Variants in HAO2 observed in about 807,000 individuals in gnomAD.
HAO2 encodes 2-Hydroxyacid oxidase 2.
Under a neutral mutation model 37.4 loss-of-function variants are expected in HAO2, and 42 were observed. The observed-to-expected ratio is 1.12, with a 90% confidence interval of 0.88 to 1.45. HAO2 has a LOEUF of 1.45. Among genes scored for constraint, HAO2 ranks in the 40% most tolerant of loss-of-function variants. The pLI is 0.00. For missense variants in HAO2, 476 were observed against 430.2 expected, an observed-to-expected ratio of 1.11 and a Z score of -0.94; for synonymous variants, 180 against 162.8, an observed-to-expected ratio of 1.11 and a Z score of -0.81.
intron 4 of HAO2, chr1:119,385,570 T>C (rs3207643): frequency 1.0e-6 from 1 of 976,950 alleles, no homozygotes; most frequent in Non-Finnish European, 1.2e-6. Flanking sequence ...TAGAGCTCAT[T>C]TGTGGAGCAC....
chr1:119,374,671 T>C (rs943048582), intron 1 of HAO2, among the ~76,000 whole-genome samples: 9 of 152,202 alleles, frequency 5.9e-5, no homozygotes, highest in African/African-American at 2.2e-4. Context: ...CACGCTGAGA[T>C]TTCCCACAGA....
chr1:119,389,539 T>A (rs1454805316), intron 5 of HAO2, among the ~76,000 whole-genome samples: 3 of 152,094 alleles, frequency 2.0e-5, no homozygotes, highest in African/African-American at 7.2e-5. Flanking sequence ...TAATCATTAG[T>A]GATGTTGAGC....
At chr1:119,385,953 A>G in intron 4 of HAO2, 5 of 896,022 alleles carry the variant, frequency 5.6e-6, no homozygotes, top group Non-Finnish European at 6.7e-6. Flanking sequence ...GTATGCCTCA[A>G]CCGTAACATA....
At chr1:119,372,505 C>T (rs3765956) in intron 1 of HAO2, among the ~76,000 whole-genome samples, 32,915 of 152,024 alleles carry the variant, frequency 0.22, 4,907 homozygotes, top group African/African-American at 0.42. Context: ...GAGAAGAAGG[C>T]GTGAGAAAGA....
At chr1:119,388,658 A>G (rs1373426167) in intron 5 of HAO2, among the ~76,000 whole-genome samples, 1 of 152,106 alleles carries the variant, frequency 6.6e-6, no homozygotes, top group East Asian at 1.9e-4. Flanking sequence ...CACTTGCCTC[A>G]CCTTAATCCT....
At chr1:119,388,961 G>A (rs1381286028) in intron 5 of HAO2, among the ~76,000 whole-genome samples, 1 of 149,464 alleles carries the variant, frequency 6.7e-6, no homozygotes, top group Non-Finnish European at 1.5e-5. Flanking sequence ...AAAGTACATG[G>A]TGTCACTCTT....
chr1:119,369,417 T>C (rs1648780781), intron 1 of HAO2, among the ~76,000 whole-genome samples: 2 of 152,192 alleles, frequency 1.3e-5, no homozygotes, highest in Admixed American at 6.5e-5. Flanking sequence ...ATGAAGAGCC[T>C]CTGATTGTGT....
At chr1:119,393,740 C>T (rs776638403) in intron 7 of HAO2, 45 bp from the exon 8 acceptor site, 1 of 1,567,116 alleles carries the variant, frequency 6.4e-7, no homozygotes, top group Non-Finnish European at 8.8e-7. Context: ...AGGTGAGTTG[C>T]TTGTGTTTGA....
At position 119,392,225 on chromosome 1, in the gene HAO2, G is replaced by T. The variant is rs1306473983; in HGVS notation, c.887G>T (p.Cys296Phe). The change falls in exon 6 of 8, where the codon TGC (cysteine) becomes TTC (phenylalanine). Residue 296 changes from cysteine to phenylalanine, a missense_variant. By Grantham distance (205) the Cys-to-Phe change is radical (BLOSUM62 -2). Coordinates refer to ENST00000325945, the MANE Select transcript of HAO2 (RefSeq NM_016527.4). ...AAGGCTCTGGCCCTTGGAGCTAAGT[G>T]CATTTTTCTTGGGAGACCAATCCTA... ...VLKALALGAK[C>F]IFLGRPILWG... 5.0e-6 allele frequency: 8 copies of T among 1,613,462 alleles called. No individual in the cohort carries two copies. The highest frequency in any genetic ancestry group is 4.4e-5 in the South Asian group (4 of 91,002).
intron 4 of HAO2, 83 bp from the exon 5 acceptor site, chr1:119,386,539 C>A: frequency 1.2e-6 from 1 of 844,842 alleles, no homozygotes; most frequent in South Asian, 1.4e-5. Context: ...TAAATGGCAG[C>A]TCTCTAAATG....
rs1415501245 is a variant in HAO2 at position 119,386,828 on chromosome 1, T to C, written c.768T>C (p.Ala256=). 6.3e-7 allele frequency: 1 copy of C among 1,598,438 alleles called. No homozygotes were observed. The highest frequency in any genetic ancestry group is 1.7e-5 in the Admixed American group (1 of 59,980). ...HGGRQLDEVL[A]SIDALTEVVA... ...GGAGGCAGCTTGATGAGGTTCTTGCTTCAGTAAGTAGGATTACTTCAGAGA... is the reference window on the plus strand; with the variant it reads ...GGAGGCAGCTTGATGAGGTTCTTGCCTCAGTAAGTAGGATTACTTCAGAGA... The change falls in exon 5 of 8, where the codon GCT becomes GCC. Residue 256 remains alanine (A), a synonymous_variant. Coordinates refer to ENST00000325945, the MANE Select transcript of HAO2 (RefSeq NM_016527.4).
At chr1:119,387,304 T>C (rs587637097) in intron 5 of HAO2, among the ~76,000 whole-genome samples, 1 of 152,242 alleles carries the variant, frequency 6.6e-6, no homozygotes, top group Non-Finnish European at 1.5e-5. Flanking sequence ...ATGTTCATTA[T>C]AAATGAAGTT....
Position 119,381,089 on chromosome 1 carries a change from T to A in HAO2, c.4T>A (p.Ser2Thr), listed in dbSNP as rs768287618. 7.4e-6 allele frequency: 12 copies of A among 1,613,578 alleles called. No individual in the cohort carries two copies. Among genetic ancestry groups the A allele is most frequent in the Non-Finnish European group, 1.0e-5 (12 of 1,179,448 alleles). Residue 2 changes from serine to threonine, a missense_variant, in exon 2 of 8, where the codon TCC becomes ACC. Transcript: ENST00000325945. M[S>T]LVCLTDFQAH... is the part of the protein sequence containing the mutation. ...TTTCTCCTTGGAAGGTCCAGAAATG[T>A]CCTTGGTGTGTTTGACAGACTTTCA...
At chr1:119,372,199 A>G (rs1403691119) in intron 1 of HAO2, among the ~76,000 whole-genome samples, 1 of 152,238 alleles carries the variant, frequency 6.6e-6, no homozygotes, top group Non-Finnish European at 1.5e-5. Context: ...CTGGTCATTA[A>G]CCAAAACTGA....
intron 1 of HAO2, among the ~76,000 whole-genome samples, chr1:119,375,117 G>T (rs777021736): frequency 3.3e-5 from 5 of 152,042 alleles, no homozygotes; most frequent in African/African-American, 9.7e-5. Context: ...TTCTTCTTGG[G>T]CAGTAGGAAT....
Position 119,393,785 on chromosome 1 carries a change from G to A in HAO2, c.1001G>A (p.Gly334Asp). The change falls in exon 8 of 8, where the codon GGC (glycine) becomes GAC (aspartate). Residue 334 changes from glycine to aspartate, a missense_variant and splice_region_variant. Transcript: ENST00000325945. ...NEFHTSMALT[G>D]CRSVAEINRN... Reference sequence around the variant, plus strand: ...GCTTGTAACCACATTGTTCTTTTAGGCTGCCGGTCGGTCGCTGAGATCAAT... The same window carrying A: ...GCTTGTAACCACATTGTTCTTTTAGACTGCCGGTCGGTCGCTGAGATCAAT... The A allele has an allele frequency of 1.2e-6, 2 of 1,613,108 alleles. No individual in the cohort carries two copies. Among genetic ancestry groups the A allele is most frequent in the African/African-American group, 2.7e-5 (2 of 74,970 alleles).
At chr1:119,377,459 C>T (rs181529791) in intron 1 of HAO2, among the ~76,000 whole-genome samples, 5 of 152,318 alleles carry the variant, frequency 3.3e-5, no homozygotes, top group South Asian at 4.1e-4. Context: ...CCCACATCTT[C>T]CTGTCTTCTT....
Position 119,386,705 on chromosome 1 carries a change from T to A in HAO2, c.645T>A (p.Thr215=). Residue 215 remains threonine, a synonymous_variant, in exon 5 of 8, where the codon ACT becomes ACA. Transcript: ENST00000325945. ...WNDLSWFQSI[T]RLPIILKGIL... ...ATCTCTCCTGGTTTCAGAGCATAAC[T>A]CGATTGCCCATCATCCTGAAAGGGA... 6.2e-7 allele frequency: 1 copy of A among 1,613,254 alleles called. No individual in the cohort carries two copies. Among genetic ancestry groups the A allele is most frequent in the South Asian group, 1.1e-5 (1 of 91,058 alleles).
At chr1:119,391,163 G>A (rs903767972) in intron 5 of HAO2, among the ~76,000 whole-genome samples, 2 of 150,646 alleles carry the variant, frequency 1.3e-5, no homozygotes, top group African/African-American at 4.9e-5. Flanking sequence ...CTCAGCCAAA[G>A]TATCCCATTC....
Sources: allele counts gnomAD v4.1 joint callset (sites outside exome capture counted in the v4.1 genomes callset), GRCh38; gene constraint gnomAD v4.1.1; transcripts MANE v1.5; gene names NCBI Gene and HGNC (gene_info 2026-07-23, HGNC 2026-07-21).